ST6GALNAC3: variants seen among roughly 807,000 people sequenced by gnomAD.
ST6GALNAC3 encodes alpha-N-acetylgalactosaminide alpha-2,6-sialyltransferase 3.
ST6GALNAC3 carries 25 observed loss-of-function variants against 32.7 expected under a neutral mutation model. The observed-to-expected ratio is 0.76, with a 90% CI of 0.56 to 1.07. The LOEUF is 1.07. ST6GALNAC3 is among the 50% of genes least tolerant of loss of function. The probability of loss-of-function intolerance (pLI) is 0.00; values close to 1 mark genes in which losing one functional copy is unlikely to be tolerated. For missense variants in ST6GALNAC3, 355 were observed against 382.4 expected, an observed-to-expected ratio of 0.93 and a Z score of 0.60; for synonymous variants, 129 against 133.1, an observed-to-expected ratio of 0.97 and a Z score of 0.21.
chr1:76,574,246 G>T (rs927220742), intron 3 of ST6GALNAC3, among the ~76,000 whole-genome samples: 1 of 151,968 alleles, frequency 6.6e-6, no homozygotes, highest in East Asian at 1.9e-4. Context: ...TCTAAACTGT[G>T]TATCTACAAT....
intron 3 of ST6GALNAC3, among the ~76,000 whole-genome samples, chr1:76,501,464 G>A (rs756630066): frequency 5.3e-5 from 8 of 151,978 alleles, no homozygotes; most frequent in East Asian, 1.9e-4. Context: ...TTCTTTTTTC[G>A]TCTTCTCTTT....
chr1:76,631,004 A>T lies in ST6GALNAC3; in HGVS notation c.*2198A>T, dbSNP rs1649272530. 1.0e-6 allele frequency: 1 copy of T among 985,642 alleles called. No individual in the cohort carries two copies. Among genetic ancestry groups the T allele is most frequent in the South Asian group, 4.7e-5 (1 of 21,280 alleles). 61.1% of individuals were successfully genotyped at this position (985,642 alleles called of 1,614,324 possible). A position where few individuals can be genotyped will look rare whatever the true frequency, so the allele number is the denominator to read the frequency against. The stretch of plus-strand genomic sequence containing the variant: ...TAGTTTTCTAATAAATGAAGGGCCA[A>T]CTCTTATTTGTTCTAGCCCCTACTG... On this transcript the variant is annotated 3_prime_UTR_variant, in exon 5 of 5. Transcript: ENST00000328299.
chr1:76,485,124 C>T (rs1441806856), intron 3 of ST6GALNAC3, among the ~76,000 whole-genome samples: 4 of 152,102 alleles, frequency 2.6e-5, no homozygotes, highest in African/African-American at 9.7e-5. Flanking sequence ...TTCGGTTTGC[C>T]AGTATTTTAC....
chr1:76,628,349 A>G (rs185529529), intron 4 of ST6GALNAC3, among the ~76,000 whole-genome samples: 12 of 152,094 alleles, frequency 7.9e-5, no homozygotes, highest in Admixed American at 7.2e-4. Context: ...TTCTTCAATT[A>G]TACACCATTT....
chr1:76,491,279 C>A (rs1392425800), intron 3 of ST6GALNAC3, among the ~76,000 whole-genome samples: 1 of 152,110 alleles, frequency 6.6e-6, no homozygotes, highest in Admixed American at 6.5e-5. Context: ...TTGCTGTAAG[C>A]TGGCCTCATA....
intron 1 of ST6GALNAC3, among the ~76,000 whole-genome samples, chr1:76,162,615 T>G (rs945422230): frequency 6.6e-6 from 1 of 152,192 alleles, no homozygotes; most frequent in African/African-American, 2.4e-5. Flanking sequence ...GTTAAGACAA[T>G]CATGAGCCAG....
At chr1:76,141,493 T>C (rs1650317602) in intron 1 of ST6GALNAC3, among the ~76,000 whole-genome samples, 1 of 152,166 alleles carries the variant, frequency 6.6e-6, no homozygotes, top group Non-Finnish European at 1.5e-5. Context: ...AGAATCCATG[T>C]CAGAGGAGGA....
intron 3 of ST6GALNAC3, among the ~76,000 whole-genome samples, chr1:76,489,968 G>A (rs555002205): frequency 3.3e-5 from 5 of 152,208 alleles, no homozygotes; most frequent in African/African-American, 9.6e-5. Context: ...ACATACCCTC[G>A]GTGTAAATCT....
At chr1:76,145,048 A>T (rs949204258) in intron 1 of ST6GALNAC3, among the ~76,000 whole-genome samples, 5 of 152,208 alleles carry the variant, frequency 3.3e-5, no homozygotes, top group African/African-American at 4.8e-5. Context: ...AACAAATCTG[A>T]ATCCTGAACG....
intron 3 of ST6GALNAC3, among the ~76,000 whole-genome samples, chr1:76,426,338 G>A (rs1245606962): frequency 2.0e-5 from 3 of 151,794 alleles, no homozygotes; most frequent in African/African-American, 7.3e-5. Flanking sequence ...TGTTGAGTGG[G>A]TAACATGAGG....
At chr1:76,567,250 T>C (rs1665608101) in intron 3 of ST6GALNAC3, among the ~76,000 whole-genome samples, 1 of 152,166 alleles carries the variant, frequency 6.6e-6, no homozygotes, top group African/African-American at 2.4e-5. Context: ...ATACATCTGA[T>C]TGGAATTTCA....
chr1:76,370,519 A>G (rs1000376934), intron 2 of ST6GALNAC3, among the ~76,000 whole-genome samples: 1 of 152,164 alleles, frequency 6.6e-6, no homozygotes, highest in Non-Finnish European at 1.5e-5. Context: ...TGGTTTCTTC[A>G]TAAACTCATA....
rs556641073 is a variant in ST6GALNAC3 at position 76,392,121 on chromosome 1, C to G, written c.214-19887C>G. 3.3e-5 allele frequency among the ~76,000 whole-genome samples: 5 copies of G among 152,180 alleles called. No homozygotes were observed. The South Asian group carries it at 1.0e-3, about 32-fold the overall frequency. ...TCCATTCACTAGATGACGGTAGTAT[C>G]CCCCAATTGTAACAATTGAAAAATG... is the stretch of plus-strand genomic sequence containing the variant. On this transcript the variant is annotated intron_variant, in intron 2 of 4. Coordinates refer to ENST00000328299, the MANE Select transcript of ST6GALNAC3 (RefSeq NM_152996.4).
intron 3 of ST6GALNAC3, among the ~76,000 whole-genome samples, chr1:76,601,804 T>TA (rs1647247993): frequency 6.6e-6 from 1 of 152,038 alleles, no homozygotes; most frequent in Non-Finnish European, 1.5e-5. Context: ...GGAAAGGAGA[T>TA]AAAGAGACTA....
chr1:76,338,723 T>C (rs1443690313), intron 2 of ST6GALNAC3, among the ~76,000 whole-genome samples: 3 of 72,860 alleles, frequency 4.1e-5, no homozygotes, highest in African/African-American at 5.4e-5. Context: ...TAATGAAGAA[T>C]TATTTGGCTC....
At chr1:76,402,225 C>T (rs557677197) in intron 2 of ST6GALNAC3, among the ~76,000 whole-genome samples, 1 of 152,218 alleles carries the variant, frequency 6.6e-6, no homozygotes, top group South Asian at 2.1e-4. Flanking sequence ...GGAGCCTATC[C>T]CATTTGCAAT....
chr1:76,628,193 A>G (rs920885500), intron 4 of ST6GALNAC3, among the ~76,000 whole-genome samples: 15 of 151,960 alleles, frequency 9.9e-5, no homozygotes, highest in Non-Finnish European at 7.4e-5. Context: ...TGTTTTAATC[A>G]TAATGTCAAA....
chr1:76,134,115 G>C (rs1649786928), intron 1 of ST6GALNAC3, among the ~76,000 whole-genome samples: 1 of 152,192 alleles, frequency 6.6e-6, no homozygotes, highest in African/African-American at 2.4e-5. Context: ...GGAATAGCTG[G>C]ACACCTGGCT....
At chr1:76,552,552 T>C (rs1664698376) in intron 3 of ST6GALNAC3, among the ~76,000 whole-genome samples, 1 of 152,180 alleles carries the variant, frequency 6.6e-6, no homozygotes, top group Non-Finnish European at 1.5e-5. Flanking sequence ...AATGAGTTGT[T>C]ACTGCTCTGT....
Sources: gnomAD v4.1 joint callset for allele counts (sites outside exome capture counted in the v4.1 genomes callset) on GRCh38, gnomAD v4.1.1 for gene constraint, MANE v1.5 for transcripts, NCBI Gene and HGNC (gene_info 2026-07-23, HGNC 2026-07-21) for gene names.